The following PHF12 variants were observed in gnomAD, a reference collection of about 807,000 sequenced individuals.
The protein encoded by PHF12 is PHD factor 1.
Under a neutral mutation model 99.8 loss-of-function variants are expected in PHF12, and 6 were observed. The observed-to-expected ratio is 0.06, with a 90% CI of 0.03 to 0.12. The LOEUF is 0.12. PHF12 is among the 10% of genes least tolerant of loss of function. The pLI is 1.00. For missense variants in PHF12, 954 were observed against 1,300.1 expected, an observed-to-expected ratio of 0.73 and a Z score of 4.09; for synonymous variants, 480 against 514.9, an observed-to-expected ratio of 0.93 and a Z score of 0.92.
intron 9 of PHF12, chr17:28,912,065 T>G: frequency 1.0e-6 from 1 of 1,000,268 alleles, no homozygotes; most frequent in Non-Finnish European, 1.2e-6. Flanking sequence ...CATGAATCCA[T>G]TCTTTTGTGT....
chr17:28,950,707 G>T lies in PHF12; in HGVS notation c.66+188C>A. 1 of 812,772 alleles carries T rather than the reference G, an allele frequency of 1.2e-6. No homozygotes were observed. The highest frequency in any genetic ancestry group is 1.8e-6 in the Non-Finnish European group (1 of 563,762). 50.3% of individuals were successfully genotyped at this position (812,772 alleles called of 1,614,324 possible). ...TCGAGGGCGGCGGGTAGGTGAAACTGCTGCAAACGTCCTCGGAGGCTGAGC... is the reference window on the plus strand; with the variant it reads ...TCGAGGGCGGCGGGTAGGTGAAACTTCTGCAAACGTCCTCGGAGGCTGAGC... On this transcript the variant is annotated intron_variant, in intron 1 of 14. Coordinates refer to ENST00000332830, the MANE Select transcript of PHF12 (RefSeq NM_001033561.2). The surrounding 1 kb of genome is among the most constrained non-coding windows in gnomAD (Gnocchi z 5.7).
intron 2 of PHF12, among the ~76,000 whole-genome samples, chr17:28,935,323 A>T (rs1219461542): frequency 2.0e-5 from 3 of 152,014 alleles, no homozygotes; most frequent in Non-Finnish European, 4.4e-5. Context: ...CCAGGCTGGA[A>T]TGCAGTGGTG....
intron 7 of PHF12, among the ~76,000 whole-genome samples, chr17:28,915,210 G>T (rs2040040826): frequency 6.6e-6 from 1 of 152,204 alleles, no homozygotes; most frequent in Non-Finnish European, 1.5e-5. Flanking sequence ...GGAGAAGCAT[G>T]TAAGGCATAG....
Position 28,913,051 on chromosome 17 carries a change from C to A in PHF12, c.1520G>T (p.Ser507Ile). 1 of 1,614,164 alleles carries A rather than the reference C, an allele frequency of 6.2e-7. No individual in the cohort carries two copies. Among genetic ancestry groups the A allele is most frequent in the Non-Finnish European group, 8.5e-7 (1 of 1,180,026 alleles). Residue 507 changes from serine to isoleucine, a missense_variant, in exon 9 of 15, where the codon AGC becomes ATC. Ser to Ile is a moderately radical substitution (Grantham distance 142). This residue lies in a region of PHF12 where 392 missense variants were observed against 423.1 expected (regional missense o/e 0.93). Transcript: ENST00000332830. ...PSGISTQNSL[S>I]CSPPHQSPAL... ...TGGGGACTGGTGGGGTGGAGAGCAG[C>A]TCAGGGAATTCTGGGTGCTAATCCC...
intron 8 of PHF12, 105 bp downstream of exon 8, chr17:28,913,774 T>G (rs2040011298): frequency 6.9e-7 from 1 of 1,447,648 alleles, no homozygotes; most frequent in Non-Finnish European, 9.3e-7. Context: ...AGGATGAGGG[T>G]GGGTGGGGAC....
intron 3 of PHF12, 96 bp from the exon 4 acceptor site, chr17:28,924,398 A>G: frequency 6.5e-7 from 1 of 1,548,660 alleles, no homozygotes; most frequent in Non-Finnish European, 8.9e-7. Context: ...CAAAACTGTA[A>G]AAGGCCTTCA....
chr17:28,914,130 T>C, intron 7 of PHF12, 93 bp from the exon 8 acceptor site: 2 of 1,392,662 alleles, frequency 1.4e-6, no homozygotes, highest in Non-Finnish European at 2.0e-6. Context: ...TCTGTGGTGC[T>C]GGTGCTCAAG....
chr17:28,917,574 C>T (rs1394103874), intron 6 of PHF12, 125 bp from the exon 7 acceptor site: 6 of 1,025,302 alleles, frequency 5.9e-6, no homozygotes, highest in Non-Finnish European at 8.4e-6. Flanking sequence ...AATTAGGGAC[C>T]AGGATGTCGG....
intron 2 of PHF12, among the ~76,000 whole-genome samples, chr17:28,947,427 A>C (rs2040739575): frequency 1.3e-5 from 2 of 152,078 alleles, no homozygotes; most frequent in Admixed American, 6.5e-5. Context: ...AAAATACAAA[A>C]ATTAGCTGGG....
At chr17:28,945,538 A>C (rs1280081191) in intron 2 of PHF12, 2 of 152,176 alleles carry the variant, frequency 1.3e-5, no homozygotes, top group Non-Finnish European at 2.9e-5. Flanking sequence ...AGGTAGATGC[A>C]CTTCTCTATC....
chr17:28,909,244 A>G lies in PHF12; in HGVS notation c.2360-363T>C, dbSNP rs145475752. On this transcript the variant is annotated intron_variant, in intron 11 of 14. Transcript: ENST00000332830. ...CAGTGTTTCTCAAACTTTAATGTGC[A>G]TAAGAATCGCCTACAGATCTTGTTG... 427 of 212,102 alleles carry G rather than the reference A, an allele frequency of 2.0e-3. 2 individuals carry two copies. The highest frequency in any genetic ancestry group is 0.015 in the Middle Eastern group (8 of 546). 13.1% of individuals were successfully genotyped at this position (212,102 alleles called of 1,614,324 possible). A position where few individuals can be genotyped will look rare whatever the true frequency, so the allele number is the denominator to read the frequency against.
Position 28,951,395 on chromosome 17 carries a change from G to T in PHF12, c.-435C>A, listed in dbSNP as rs909949932. On this transcript the variant is annotated 5_prime_UTR_variant, in exon 1 of 15. Transcript: ENST00000332830. ...GACTGGGGGGAGGGTGATGGGGGGT[G>T]GTCCCCGGGCTCCGCCTCTCGCCGC... The T allele has an allele frequency of 3.5e-5, 35 of 988,438 alleles. 1 individual carries two copies. The East Asian group carries it at 1.1e-3, about 32-fold the overall frequency. The allele number at this position is 988,438 out of a possible 1,614,324, so 61.2% of individuals were successfully genotyped here.
Position 28,950,210 on chromosome 17 carries a change from C to T in PHF12, c.103G>A (p.Glu35Lys). The change falls in exon 2 of 15, where the codon GAG becomes AAG. Residue 35 changes from glutamate to lysine, a missense_variant. Physicochemically the swap from Glu to Lys is moderately conservative, Grantham distance 56. Around this residue, in one of 8 missense-constraint regions of PHF12, gnomAD observed 66 missense variants for 69.4 expected, o/e 0.95. Transcript: ENST00000332830. This position sits in a 1 kb window ranked among gnomAD's most constrained non-coding sequence, Gnocchi z 5.7. ...GGCTTCCGACTGCGCTTTTCTGCCT[C>T]GTCCGTCTTGGGGGGAGCCAGCAGA... is the stretch of plus-strand genomic sequence containing the variant. ...QALLAPPKTD[E>K]AEKRSRKPEK... The T allele has an allele frequency of 6.2e-7, 1 of 1,612,522 alleles. No homozygotes were observed. Among genetic ancestry groups the T allele is most frequent in the Non-Finnish European group, 8.5e-7 (1 of 1,179,980 alleles).
At chr17:28,921,923 C>T in intron 4 of PHF12, 115 bp from the exon 5 acceptor site, 1 of 1,406,094 alleles carries the variant, frequency 7.1e-7, no homozygotes, top group Non-Finnish European at 9.6e-7. Context: ...ATGGCCTAAG[C>T]ATGAATTGCT....
rs2039998765 is a variant in PHF12, at chr17:28,913,194, T to C, written c.1377A>G (p.Glu459=). The change falls in exon 9 of 15, where the codon GAA becomes GAG. Residue 459 remains glutamate, a synonymous_variant. Transcript: ENST00000332830. ...AKQMPSHWDS[E]QTEKADIKPV... The stretch of plus-strand genomic sequence containing the variant: ...GCTTAATATCAGCCTTCTCTGTCTG[T>C]TCAGAGTCCCAATGCGAAGGCATCT... 1.2e-6 allele frequency: 2 copies of C among 1,614,174 alleles called. No individual in the cohort carries two copies. The highest frequency in any genetic ancestry group is 2.2e-5 in the East Asian group (1 of 44,878).
chr17:28,936,504 C>A (rs1598154412), intron 2 of PHF12, among the ~76,000 whole-genome samples: 1 of 152,230 alleles, frequency 6.6e-6, no homozygotes, highest in Non-Finnish European at 1.5e-5. Flanking sequence ...ATACAATACA[C>A]CAACAGCCTA....
chr17:28,931,497 T>C (rs1018847636), intron 2 of PHF12, among the ~76,000 whole-genome samples: 39 of 151,814 alleles, frequency 2.6e-4, no homozygotes, highest in Middle Eastern at 3.4e-3. Flanking sequence ...CCTCAAGTGA[T>C]CCACCCACCT....
intron 2 of PHF12, among the ~76,000 whole-genome samples, chr17:28,933,115 G>C (rs760552682): frequency 2.6e-5 from 4 of 152,052 alleles, no homozygotes; most frequent in Non-Finnish European, 2.9e-5. Context: ...ATGAAGACAG[G>C]GTCCTGGAGG....
intron 4 of PHF12, among the ~76,000 whole-genome samples, chr17:28,923,402 A>C (rs1041090755): frequency 6.6e-6 from 1 of 151,414 alleles, no homozygotes; most frequent in African/African-American, 2.4e-5. Context: ...TCGCACCTGT[A>C]ATCCCAGCAC....
Sources: gnomAD v4.1 joint callset for allele counts (sites outside exome capture counted in the v4.1 genomes callset) on GRCh38, gnomAD v4.1.1 for gene constraint, gnomAD v4.1.1 regional missense constraint, Gnocchi (gnomAD v3.1) non-coding constraint, MANE v1.5 for transcripts, NCBI Gene and HGNC (gene_info 2026-07-23, HGNC 2026-07-21) for gene names.